The following KAZN variants were observed in gnomAD, a reference collection of about 807,000 sequenced individuals.
KAZN encodes the protein kazrin.
Under a neutral mutation model 87.4 loss-of-function variants are expected in KAZN, and 40 were observed. The ratio of observed to expected loss-of-function variants is 0.46; its 90% CI spans 0.36 to 0.60. KAZN has a LOEUF of 0.60. KAZN is among the 20% of genes least tolerant of loss of function. The pLI, the probability that KAZN is intolerant of heterozygous loss-of-function variation, is 0.00. For missense variants in KAZN, 898 were observed against 1,073.9 expected (o/e 0.84, Z 2.29); for synonymous variants, 466 against 458.3 (o/e 1.02, Z -0.22).
intron 6 of KAZN, chr1:15,061,036 A>G (rs1328294318): frequency 2.0e-5 from 3 of 152,266 alleles, no homozygotes; most frequent in Non-Finnish European, 4.4e-5. Context: ...TCCTGAAGAC[A>G]GACATCATAG....
chr1:14,157,444 G>T (rs1313024190), intron 1 of KAZN, among the ~76,000 whole-genome samples: 5 of 152,116 alleles, frequency 3.3e-5, no homozygotes, highest in African/African-American at 9.7e-5. Flanking sequence ...GCTTTTGTTT[G>T]TCTGAGAAAG....
intron 2 of KAZN, among the ~76,000 whole-genome samples, chr1:14,424,527 G>A (rs1448297862): frequency 1.3e-5 from 2 of 152,106 alleles, no homozygotes; most frequent in Non-Finnish European, 2.9e-5. Flanking sequence ...ATGTACAGCT[G>A]CACAGGTTGT....
intron 1 of KAZN, among the ~76,000 whole-genome samples, chr1:13,971,645 A>C (rs1045158658): frequency 6.6e-6 from 1 of 152,080 alleles, no homozygotes; most frequent in Non-Finnish European, 1.5e-5. Flanking sequence ...GAATTTCACA[A>C]AGCATGGTGA....
intron 1 of KAZN, among the ~76,000 whole-genome samples, chr1:13,922,460 C>T (rs1048414428): frequency 2.0e-5 from 3 of 152,078 alleles, no homozygotes; most frequent in African/African-American, 7.2e-5. Flanking sequence ...CTCTTGTGGT[C>T]GCATTTCTAT....
In KAZN at chr1:14,392,572, G is replaced by A. The variant is rs114941630; in HGVS notation, c.250-206411G>A. ...GCTTCCATCTGGCCATGATTTCTGA[G>A]CCATGGCTCCATTATTTGGGGCCAC... On this transcript the variant is annotated intron_variant, in intron 2 of 16. Transcript: ENST00000636203. 2.9e-3 allele frequency among the ~76,000 whole-genome samples: 447 copies of A among 152,236 alleles called. 1 individual carries two copies. The highest frequency in any genetic ancestry group is 9.8e-3 in the African/African-American group (406 of 41,552).
At chr1:14,430,977 A>G (rs1666031331) in intron 2 of KAZN, among the ~76,000 whole-genome samples, 2 of 152,212 alleles carry the variant, frequency 1.3e-5, no homozygotes, top group Non-Finnish European at 2.9e-5. Flanking sequence ...ACCTCAGACA[A>G]GCTCCACTGT....
intron 13 of KAZN, among the ~76,000 whole-genome samples, chr1:15,110,525 G>A (rs1641558802): frequency 7.1e-6 from 1 of 140,576 alleles, no homozygotes; most frequent in African/African-American, 2.7e-5. Flanking sequence ...TTGTGTGTAT[G>A]TGTTTGTGTG....
chr1:14,181,820 A>G (rs543938052), intron 2 of KAZN, among the ~76,000 whole-genome samples: 8 of 152,202 alleles, frequency 5.3e-5, no homozygotes, highest in Non-Finnish European at 1.2e-4. Flanking sequence ...TCTTGAAAGG[A>G]TTAGCTTTCC....
intron 5 of KAZN, among the ~76,000 whole-genome samples, chr1:15,058,026 C>G (rs1301349988): frequency 6.6e-6 from 1 of 152,182 alleles, no homozygotes; most frequent in Non-Finnish European, 1.5e-5. Context: ...TATCAGACAC[C>G]CCCTCCTCCA....
At chr1:14,513,207 G>A (rs1557768700) in intron 2 of KAZN, among the ~76,000 whole-genome samples, 1 of 152,084 alleles carries the variant, frequency 6.6e-6, no homozygotes, top group Non-Finnish European at 1.5e-5. Flanking sequence ...GGGCAAACCG[G>A]CTTCTCCTTC....
chr1:14,742,623 G>A (rs1194409925), intron 1 of KAZN, among the ~76,000 whole-genome samples: 1 of 152,200 alleles, frequency 6.6e-6, no homozygotes, highest in Non-Finnish European at 1.5e-5. Flanking sequence ...CTCGCTTGTT[G>A]TGATATCCCT....
intron 1 of KAZN, among the ~76,000 whole-genome samples, chr1:14,867,967 A>AC (rs56170249): frequency 6.6e-6 from 1 of 150,892 alleles, no homozygotes; most frequent in African/African-American, 2.4e-5. Context: ...TTGCATAGGC[A>AC]GGCATCGCAT....
At chr1:14,643,907 C>T (rs958609682) in intron 1 of KAZN, among the ~76,000 whole-genome samples, 2 of 151,080 alleles carry the variant, frequency 1.3e-5, no homozygotes, top group Middle Eastern at 3.2e-3. Flanking sequence ...ATTTGCATTT[C>T]TCTAATGCTC....
chr1:13,956,012 C>T (rs1375457347), intron 1 of KAZN, among the ~76,000 whole-genome samples: 1 of 152,214 alleles, frequency 6.6e-6, no homozygotes, highest in Non-Finnish European at 1.5e-5. Flanking sequence ...ATCCCAGCAC[C>T]TCGTAGGACC....
chr1:15,093,022 C>T (rs1169708366), intron 8 of KAZN, among the ~76,000 whole-genome samples: 3 of 151,914 alleles, frequency 2.0e-5, no homozygotes, highest in Non-Finnish European at 2.9e-5. Context: ...ATAAATCACC[C>T]AGTTGCCCAA....
chr1:14,416,225 C>T (rs1335765311), intron 2 of KAZN, among the ~76,000 whole-genome samples: 1 of 152,148 alleles, frequency 6.6e-6, no homozygotes, highest in East Asian at 1.9e-4. Context: ...TTATGTGTCA[C>T]CTTACATCTA....
intron 1 of KAZN, among the ~76,000 whole-genome samples, chr1:14,812,739 C>T (rs186654742): frequency 4.1e-4 from 63 of 152,182 alleles, no homozygotes; most frequent in African/African-American, 1.5e-3. Flanking sequence ...GGTCTCAAAT[C>T]CTGGCCTCAA....
rs188371137 is a variant in KAZN at position 14,679,228 on chromosome 1, C to T, written c.226+80005C>T. Among the ~76,000 whole-genome samples the T allele has an allele frequency of 7.8e-4, 118 of 151,464 alleles. 1 individual carries two copies. Among genetic ancestry groups the T allele is most frequent in the South Asian group, 4.4e-3 (21 of 4,784 alleles). On this transcript the variant is annotated intron_variant, in intron 1 of 14. Coordinates refer to ENST00000376030, the MANE Select transcript of KAZN (RefSeq NM_201628.3). ...GGGCCGCATGAGGAAGTACCAGGGT[C>T]GGTTAGCAGGCTGAAGGAGGCAAGG...
intron 2 of KAZN, among the ~76,000 whole-genome samples, chr1:14,460,547 C>G (rs1222116756): frequency 6.6e-6 from 1 of 152,214 alleles, no homozygotes. Flanking sequence ...GTCTGTGAAC[C>G]TGTGCCCTGA....
Sources: allele counts gnomAD v4.1 joint callset (sites outside exome capture counted in the v4.1 genomes callset), GRCh38; gene constraint gnomAD v4.1.1; transcripts MANE v1.5; gene names NCBI Gene and HGNC (gene_info 2026-07-23, HGNC 2026-07-21).